Variants in MLLT3 observed in about 807,000 individuals in gnomAD.
MLLT3 encodes MLLT3 super elongation complex subunit.
In MLLT3, 4 loss-of-function variants were observed where a neutral mutation model predicts 53.2. That is an observed-to-expected ratio of 0.08 (90% confidence interval 0.04 to 0.17). MLLT3 has a LOEUF of 0.17. Among genes scored for constraint, MLLT3 ranks in the 10% least tolerant of loss-of-function variants. The pLI, the probability that MLLT3 is intolerant of heterozygous loss-of-function variation, is 1.00. For synonymous variants in MLLT3, 283 were observed against 230.6 expected (o/e 1.23, Z -2.06); for missense variants, 569 against 684.0 (o/e 0.83, Z 1.87).
intron 5 of MLLT3, among the ~76,000 whole-genome samples, chr9:20,397,990 A>T (rs1822363950): frequency 6.6e-6 from 1 of 152,150 alleles, no homozygotes. Flanking sequence ...TTCTGTCACT[A>T]TGCTAGTGTT....
chr9:20,621,010 T>G lies in MLLT3; in HGVS notation c.13-176A>C. 11 of 764,534 alleles carry G rather than the reference T, an allele frequency of 1.4e-5. No individual in the cohort carries two copies. The highest frequency in any genetic ancestry group is 2.8e-5 in the East Asian group (1 of 36,160). 47.4% of individuals were successfully genotyped at this position (764,534 alleles called of 1,614,324 possible). On this transcript the variant is annotated intron_variant, in intron 1 of 10. Coordinates refer to ENST00000380338, the MANE Select transcript of MLLT3 (RefSeq NM_004529.4). The surrounding 1 kb of genome is among the most constrained non-coding windows in gnomAD (Gnocchi z 7.0). The stretch of plus-strand genomic sequence containing the variant: ...CGCGCACACTCCACACCCCCAAATA[T>G]ACCCGCCCGCCCGGCCCGGCTTGGC...
At chr9:20,429,538 C>A (rs1823217206) in intron 4 of MLLT3, among the ~76,000 whole-genome samples, 1 of 142,482 alleles carries the variant, frequency 7.0e-6, no homozygotes, top group Non-Finnish European at 1.5e-5. Flanking sequence ...ATAACTAATC[C>A]AATTGTAGGG....
chr9:20,497,132 C>G (rs1182371831), intron 2 of MLLT3, among the ~76,000 whole-genome samples: 1 of 152,224 alleles, frequency 6.6e-6, no homozygotes, highest in Non-Finnish European at 1.5e-5. Flanking sequence ...TAAAGACATG[C>G]TGTAGTATCC....
At chr9:20,505,752 C>T (rs1473673789) in intron 2 of MLLT3, among the ~76,000 whole-genome samples, 1 of 152,166 alleles carries the variant, frequency 6.6e-6, no homozygotes, top group African/African-American at 2.4e-5. Context: ...GGTTTTTCCT[C>T]GTCCTCTATG....
Position 20,412,361 on chromosome 9 carries a change from T to C in MLLT3, c.1125+1360A>G, listed in dbSNP as rs550424954. Among the ~76,000 whole-genome samples, 13 of 152,352 alleles carry C rather than the reference T, an allele frequency of 8.5e-5. No homozygotes were observed. In the South Asian group the frequency reaches 1.7e-3, roughly 19 times the overall value. On this transcript the variant is annotated intron_variant, in intron 5 of 10. Transcript: ENST00000380338. ...ATCTCCATTTCATAAATTATGACTA[T>C]AAAGCCTTTACCAAATACTGGAACA... is the stretch of plus-strand genomic sequence containing the variant.
chr9:20,528,801 A>G (rs1333339285), intron 2 of MLLT3, among the ~76,000 whole-genome samples: 1 of 152,176 alleles, frequency 6.6e-6, no homozygotes, highest in Non-Finnish European at 1.5e-5. Context: ...CCTTTTTCCA[A>G]TAAGGTAAAA....
chr9:20,545,844 C>T (rs1483521561), intron 2 of MLLT3, among the ~76,000 whole-genome samples: 1 of 140,880 alleles, frequency 7.1e-6, no homozygotes, highest in African/African-American at 2.6e-5. Flanking sequence ...TAAAGTAAGA[C>T]CCAGTCTCTA....
At chr9:20,423,816 G>C (rs1023548199) in intron 4 of MLLT3, among the ~76,000 whole-genome samples, 1 of 151,626 alleles carries the variant, frequency 6.6e-6, no homozygotes. Context: ...AACTAGCTGA[G>C]TGTGGTGGTG....
At chr9:20,560,144 C>T (rs1196494126) in intron 2 of MLLT3, among the ~76,000 whole-genome samples, 1 of 151,996 alleles carries the variant, frequency 6.6e-6, no homozygotes, top group Non-Finnish European at 1.5e-5. Flanking sequence ...CTGCTTATTC[C>T]TGCTGAGGGT....
chr9:20,532,650 G>T (rs1818374269), intron 2 of MLLT3: 2 of 261,784 alleles, frequency 7.6e-6, no homozygotes, highest in Admixed American at 8.7e-5. Context: ...TCCTGTTTGA[G>T]AAAAGGCCTA....
chr9:20,569,382 T>C (rs1819468078), intron 2 of MLLT3, among the ~76,000 whole-genome samples: 1 of 152,078 alleles, frequency 6.6e-6, no homozygotes. Flanking sequence ...GCACACACCA[T>C]TACCCAATGT....
intron 2 of MLLT3, among the ~76,000 whole-genome samples, chr9:20,583,593 A>T (rs1032160329): frequency 1.3e-5 from 2 of 152,180 alleles, no homozygotes; most frequent in Non-Finnish European, 2.9e-5. Flanking sequence ...AGAGGTTCCC[A>T]AACCTCAATC....
At chr9:20,536,023 T>G (rs1292652764) in intron 2 of MLLT3, among the ~76,000 whole-genome samples, 1 of 152,154 alleles carries the variant, frequency 6.6e-6, no homozygotes, top group Non-Finnish European at 1.5e-5. Context: ...ACAGGTATAT[T>G]TCTGACTGTA....
intron 5 of MLLT3, among the ~76,000 whole-genome samples, chr9:20,377,738 T>G (rs1821804426): frequency 6.6e-6 from 1 of 152,146 alleles, no homozygotes; most frequent in Admixed American, 6.5e-5. Context: ...CTGGATTTAC[T>G]ATCATGGCAG....
Position 20,621,947 on chromosome 9 carries a change from G to A in MLLT3, c.12+298C>T, listed in dbSNP as rs1245993565. ...AGTGCGCGCGTGTGAGCGAGAGGGA[G>A]TGTGTGAGTGCGCTTCTTGTGACTG... On this transcript the variant is annotated intron_variant, in intron 1 of 10. Transcript: ENST00000380338. This position sits in a 1 kb window ranked among gnomAD's most constrained non-coding sequence, Gnocchi z 7.0. 6.5e-6 allele frequency: 9 copies of A among 1,394,100 alleles called. No individual in the cohort carries two copies. The highest frequency in any genetic ancestry group is 3.2e-5 in the South Asian group (2 of 61,724). The allele number at this position is 1,394,100 out of a possible 1,614,324, so 86.4% of individuals were successfully genotyped here. A position where few individuals can be genotyped will look rare whatever the true frequency, so the allele number is the denominator to read the frequency against.
intron 2 of MLLT3, among the ~76,000 whole-genome samples, chr9:20,575,869 A>G (rs913931895): frequency 6.6e-6 from 1 of 152,352 alleles, no homozygotes; most frequent in Non-Finnish European, 1.5e-5. Context: ...AAAAGTCAGC[A>G]GCTGCATTAG....
chr9:20,344,686 T>C lies in MLLT3; in HGVS notation c.*1757A>G, dbSNP rs770190150. 3 of 206,896 alleles carry C rather than the reference T, an allele frequency of 1.5e-5. No homozygotes were observed. Among genetic ancestry groups the C allele is most frequent in the African/African-American group, 4.6e-5 (2 of 43,928 alleles). 12.8% of individuals were successfully genotyped at this position (206,896 alleles called of 1,614,324 possible). A position where few individuals can be genotyped will look rare whatever the true frequency, so the allele number is the denominator to read the frequency against. On this transcript the variant is annotated 3_prime_UTR_variant, in exon 11 of 11. Transcript: ENST00000380338. The stretch of plus-strand genomic sequence containing the variant: ...GTATTATAATTTTTTAAAGGAAAAA[T>C]AGTTTCTTTGGATAGAAAGAAACAG...
intron 2 of MLLT3, among the ~76,000 whole-genome samples, chr9:20,514,885 C>T (rs1817865846): frequency 6.6e-6 from 1 of 151,764 alleles, no homozygotes; most frequent in African/African-American, 2.4e-5. Context: ...CTGGTTACCA[C>T]CAGTAATATC....
At chr9:20,590,168 C>G (rs1468559866) in intron 2 of MLLT3, among the ~76,000 whole-genome samples, 6 of 152,158 alleles carry the variant, frequency 3.9e-5, no homozygotes, top group African/African-American at 7.2e-5. Context: ...GCTTCCAGAG[C>G]TGTAATTACA....
Sources: allele counts gnomAD v4.1 joint callset (sites outside exome capture counted in the v4.1 genomes callset), GRCh38; gene constraint gnomAD v4.1.1; non-coding constraint Gnocchi (gnomAD v3.1); transcripts MANE v1.5; gene names NCBI Gene and HGNC (gene_info 2026-07-23, HGNC 2026-07-21).